Variants in DIP2C observed in about 807,000 individuals in gnomAD.
DIP2C encodes disco-interacting protein 2 homolog C.
Under a neutral mutation model 192.4 loss-of-function variants are expected in DIP2C, and 33 were observed. That is an observed-to-expected ratio of 0.17 (90% CI 0.13 to 0.23). DIP2C has a LOEUF of 0.23. Among genes scored for constraint, DIP2C ranks in the 10% least tolerant of loss-of-function variants. The probability of loss-of-function intolerance (pLI) is 1.00; values close to 1 mark genes in which losing one functional copy is unlikely to be tolerated. For synonymous variants in DIP2C, 979 were observed against 864.1 expected (o/e 1.13, Z -2.33); for missense variants, 1,537 against 2,110.1 (o/e 0.73, Z 5.32).
At chr10:573,230 C>G (rs816628) in intron 1 of DIP2C, among the ~76,000 whole-genome samples, 43,623 of 152,040 alleles carry the variant, frequency 0.29, 9,854 homozygotes, top group African/African-American at 0.63. Flanking sequence ...AATCCAGTAA[C>G]AACCTGATGA....
intron 1 of DIP2C, among the ~76,000 whole-genome samples, chr10:494,663 G>A (rs1389087404): frequency 1.3e-5 from 2 of 151,886 alleles, no homozygotes; most frequent in Non-Finnish European, 3.0e-5. Context: ...GGAAAGCTCA[G>A]AGAGAGGTGT....
chr10:686,662 T>C (rs1381170858), intron 1 of DIP2C, among the ~76,000 whole-genome samples: 1 of 152,258 alleles, frequency 6.6e-6, no homozygotes, highest in East Asian at 1.9e-4. Flanking sequence ...TGTGTTTTGC[T>C]GGCCGCATGC....
chr10:610,796 C>T (rs1045747511), intron 1 of DIP2C, among the ~76,000 whole-genome samples: 6 of 150,020 alleles, frequency 4.0e-5, no homozygotes, highest in Non-Finnish European at 7.4e-5. Flanking sequence ...GTGACTGACT[C>T]ATGGGGGTGG....
Position 418,513 on chromosome 10 carries a change from G to A in DIP2C, c.739+552C>T, listed in dbSNP as rs554787017. ...AAATGGAATAGGGGCTGAGTGACAC[G>A]AACAGCCGCTGTAGTCAGAATATAC... is the stretch of plus-strand genomic sequence containing the variant. On this transcript the variant is annotated intron_variant, in intron 6 of 36. Transcript: ENST00000280886. 2.2e-4 allele frequency among the ~76,000 whole-genome samples: 33 copies of A among 152,288 alleles called. No individual in the cohort carries two copies. The East Asian group carries it at 2.9e-3, about 13-fold the overall frequency.
chr10:457,582 G>A (rs544049977), intron 3 of DIP2C, among the ~76,000 whole-genome samples: 18 of 152,108 alleles, frequency 1.2e-4, no homozygotes, highest in Non-Finnish European at 2.5e-4. Flanking sequence ...TAGAGGCAGG[G>A]TCTCACTCTG....
chr10:519,105 A>C (rs1333750448), intron 1 of DIP2C, among the ~76,000 whole-genome samples: 2 of 152,156 alleles, frequency 1.3e-5, no homozygotes, highest in African/African-American at 4.8e-5. Context: ...CTTCCGATCC[A>C]GCCATTAGGG....
intron 1 of DIP2C, among the ~76,000 whole-genome samples, chr10:595,644 G>A (rs891124804): frequency 6.6e-6 from 1 of 152,164 alleles, no homozygotes; most frequent in Non-Finnish European, 1.5e-5. Flanking sequence ...ATCTACACAG[G>A]GACATCGGTT....
At chr10:518,591 G>A (rs1588370359) in intron 1 of DIP2C, among the ~76,000 whole-genome samples, 1 of 152,188 alleles carries the variant, frequency 6.6e-6, no homozygotes, top group East Asian at 1.9e-4. Context: ...GTCAGGGCCA[G>A]AGAGAAGGCG....
intron 28 of DIP2C, 143 bp downstream of exon 28, chr10:344,666 C>G: frequency 2.9e-6 from 2 of 682,550 alleles, no homozygotes; most frequent in South Asian, 3.6e-5. Context: ...ACGTGTCATA[C>G]CGTGAATGAA....
At chr10:486,820 C>A (rs984579801) in intron 1 of DIP2C, among the ~76,000 whole-genome samples, 6 of 152,204 alleles carry the variant, frequency 3.9e-5, no homozygotes, top group African/African-American at 1.4e-4. Context: ...CTCATCCCCA[C>A]CCGCTGGCAC....
At chr10:591,806 G>T (rs1425439976) in intron 1 of DIP2C, among the ~76,000 whole-genome samples, 1 of 151,220 alleles carries the variant, frequency 6.6e-6, no homozygotes, top group Non-Finnish European at 1.5e-5. Flanking sequence ...TTCCTTTTCA[G>T]AACTTCCACA....
chr10:608,125 GCCCCAACACACACACAGCC>G (rs1289466695), intron 1 of DIP2C, among the ~76,000 whole-genome samples: 2 of 107,612 alleles, frequency 1.9e-5, no homozygotes, highest in Admixed American at 1.8e-4. Flanking sequence ...CACACACACA[GCCCCAACACACACACAGCC>G]CCCCCACACA....
intron 32 of DIP2C, among the ~76,000 whole-genome samples, chr10:292,836 T>A (rs1955561029): frequency 6.6e-6 from 1 of 152,202 alleles, no homozygotes; most frequent in Non-Finnish European, 1.5e-5. Context: ...CCAACTGAGA[T>A]TCTCACCCAG....
At chr10:682,088 T>C (rs1162224465) in intron 1 of DIP2C, among the ~76,000 whole-genome samples, 1 of 152,242 alleles carries the variant, frequency 6.6e-6, no homozygotes, top group Non-Finnish European at 1.5e-5. Flanking sequence ...TGACCTTTGC[T>C]GGTCTGCTGA....
At chr10:579,714 A>C (rs575778692) in intron 1 of DIP2C, among the ~76,000 whole-genome samples, 1 of 152,132 alleles carries the variant, frequency 6.6e-6, no homozygotes, top group Non-Finnish European at 1.5e-5. Context: ...TAGTGTACAC[A>C]CATCCATATC....
intron 1 of DIP2C, among the ~76,000 whole-genome samples, chr10:501,029 G>C (rs550032527): frequency 5.9e-5 from 9 of 152,286 alleles, no homozygotes; most frequent in African/African-American, 2.2e-4. Context: ...ATAAGCTCAA[G>C]TTATTCCAGA....
chr10:424,172 AGAG>A (rs879476525), intron 4 of DIP2C, among the ~76,000 whole-genome samples: 7 of 152,290 alleles, frequency 4.6e-5, no homozygotes, highest in East Asian at 1.9e-4. Flanking sequence ...CCATCGGGTG[AGAG>A]GAGAAGTCAC....
At chr10:469,565 C>G (rs1225813750) in intron 3 of DIP2C, among the ~76,000 whole-genome samples, 1 of 152,152 alleles carries the variant, frequency 6.6e-6, no homozygotes, top group Non-Finnish European at 1.5e-5. Flanking sequence ...GATCTGCCCG[C>G]CTCGGCCTCC....
chr10:558,967 C>T (rs1001555162), intron 1 of DIP2C, among the ~76,000 whole-genome samples: 5 of 151,672 alleles, frequency 3.3e-5, no homozygotes, highest in Admixed American at 3.3e-4. Context: ...CCCGGCAGAC[C>T]ACCCCACCCC....
Sources: allele counts gnomAD v4.1 joint callset (sites outside exome capture counted in the v4.1 genomes callset), GRCh38; gene constraint gnomAD v4.1.1; transcripts MANE v1.5; gene names NCBI Gene and HGNC (gene_info 2026-07-23, HGNC 2026-07-21).